DNAH14: variants seen among roughly 807,000 people sequenced by gnomAD.
The protein encoded by DNAH14 is dynein axonemal heavy chain 14.
DNAH14 carries 478 observed loss-of-function variants against 520.9 expected under a neutral mutation model. The ratio of observed to expected loss-of-function variants is 0.92; its 90% CI spans 0.85 to 0.99. The LOEUF (loss-of-function observed/expected upper bound fraction) is 0.99, where lower values mean the gene tolerates loss of function less well. Among genes scored for constraint, DNAH14 ranks in the 50% least tolerant of loss-of-function variants. The pLI, the probability that DNAH14 is intolerant of heterozygous loss-of-function variation, is 0.00. For synonymous variants in DNAH14, 1,581 were observed against 1,757.2 expected (o/e 0.90, Z 2.51); for missense variants, 4,831 against 5,234.5 (o/e 0.92, Z 2.38).
chr1:225,162,621 T>G (rs943748765), intron 35 of DNAH14, among the ~76,000 whole-genome samples: 2 of 152,222 alleles, frequency 1.3e-5, no homozygotes, highest in African/African-American at 4.8e-5. Context: ...TAGATTGTTT[T>G]GGGTAATATG....
At chr1:224,960,386 C>G in intron 4 of DNAH14, 84 bp downstream of exon 4, 6 of 1,335,292 alleles carry the variant, frequency 4.5e-6, no homozygotes, top group Non-Finnish European at 5.9e-6. Context: ...ATATTGGACA[C>G]TGACTTTAGA....
chr1:225,256,006 A>T (rs2092719632), intron 44 of DNAH14, among the ~76,000 whole-genome samples: 1 of 152,336 alleles, frequency 6.6e-6, no homozygotes, highest in Admixed American at 6.5e-5. Flanking sequence ...TCCAATTTTT[A>T]ACTCAATGCT....
intron 35 of DNAH14, among the ~76,000 whole-genome samples, chr1:225,160,764 C>G (rs1194952326): frequency 6.6e-6 from 1 of 152,038 alleles, no homozygotes; most frequent in Non-Finnish European, 1.5e-5. Flanking sequence ...GTGTCTTCTT[C>G]CTTGATTGCA....
intron 83 of DNAH14, 45 bp downstream of exon 83, chr1:225,389,918 G>C (rs1442562247): frequency 6.5e-7 from 1 of 1,533,210 alleles, no homozygotes; most frequent in South Asian, 1.2e-5. Context: ...GCCCAGGCAA[G>C]TTTGCACTCA....
chr1:225,307,598 G>GCA, intron 59 of DNAH14, 29 bp downstream of exon 59: 1 of 1,490,400 alleles, frequency 6.7e-7, no homozygotes, highest in Non-Finnish European at 9.0e-7. Flanking sequence ...CTCTTTTAAA[G>GCA]ATTTTATAGT....
Position 225,100,777 on chromosome 1 carries a change from A to G in DNAH14, c.3760A>G (p.Lys1254Glu). ...TTCCATGTGGAAAAAAATAATGTCA[A>G]AAATACAAAACAAACAGAATGCTTT... ...VISMWKKIMS[K>E]IQNKQNALQI... The change falls in exon 23 of 86, where the codon AAA becomes GAA. Residue 1254 changes from lysine to glutamate, a missense_variant. Transcript: ENST00000682510. The G allele has an allele frequency of 1.9e-6, 3 of 1,540,066 alleles. No individual in the cohort carries two copies. The highest frequency in any genetic ancestry group is 2.6e-6 in the Non-Finnish European group (3 of 1,143,810).
chr1:225,362,853 G>A (rs2095508490), intron 75 of DNAH14, among the ~76,000 whole-genome samples: 1 of 151,968 alleles, frequency 6.6e-6, no homozygotes, highest in Admixed American at 6.5e-5. Flanking sequence ...ATATTGCTAG[G>A]AGAAAAAATA....
chr1:225,078,802 CTCTCTCTCTCTCTCTCTCTCT>C (rs757402086), intron 17 of DNAH14, among the ~76,000 whole-genome samples: 2,457 of 48,508 alleles, frequency 0.051, 158 homozygotes, highest in Non-Finnish European at 0.089. Context: ...CTCTCTCTCT[CTCTCTCTCTCTCTCTCTCTCT>C]CCCTCTCTCT....
Position 225,331,861 on chromosome 1 carries a change from G to A in DNAH14, c.9864+284G>A, listed in dbSNP as rs79039430. On this transcript the variant is annotated intron_variant, in intron 65 of 85. Transcript: ENST00000682510. ...CCAAAGTAAACCTTTCAATGAAAAT[G>A]TCATTAGTTTTCCTTTTCTAGCACT... Among the ~76,000 whole-genome samples, 10 of 152,124 alleles carry A rather than the reference G, an allele frequency of 6.6e-5. No individual in the cohort carries two copies. In the East Asian group the frequency reaches 1.9e-3, roughly 29 times the overall value.
At chr1:224,952,860 C>T (rs923448173) in intron 2 of DNAH14, 81 bp downstream of exon 2, 7 of 927,898 alleles carry the variant, frequency 7.5e-6, no homozygotes, top group Admixed American at 3.3e-5. Flanking sequence ...GCCATTCTGA[C>T]AGTGAAAGAC....
At chr1:224,954,467 A>G (rs906464683) in intron 2 of DNAH14, 1 of 152,372 alleles carries the variant, frequency 6.6e-6, no homozygotes, top group Non-Finnish European at 1.5e-5. Context: ...CTTATGAAAA[A>G]GTTTTTCCAG....
intron 36 of DNAH14, among the ~76,000 whole-genome samples, chr1:225,175,799 AGTCTCACAGGACCTGAT>A (rs1363391586): frequency 6.7e-6 from 1 of 150,308 alleles, no homozygotes; most frequent in Non-Finnish European, 1.5e-5. Flanking sequence ...TTAGTTAGTA[AGTCTCACAGGACCTGAT>A]GGTTTTTATT....
At chr1:225,128,693 A>G (rs1324675171) in intron 27 of DNAH14, among the ~76,000 whole-genome samples, 1 of 152,090 alleles carries the variant, frequency 6.6e-6, no homozygotes, top group African/African-American at 2.4e-5. Context: ...ATCTATGACA[A>G]ACCCACAGCC....
At position 225,264,206 on chromosome 1, in the gene DNAH14, AC is replaced by A; in HGVS notation, c.7168del (p.Gln2390ArgfsTer6). 6.5e-7 allele frequency: 1 copy of A among 1,549,894 alleles called. No homozygotes were observed. The highest frequency in any genetic ancestry group is 8.7e-7 in the Non-Finnish European group (1 of 1,145,752). ...SEIKKSSSLK[Q>X]NITILIPETH... ...AAATATTTCATTCCAGTAGCCTAAA[AC>A]AGAATATCACCATCTTGATTCCTGA... On this transcript the variant is annotated frameshift_variant, in exon 47 of 86. Transcript: ENST00000682510. LOFTEE classifies it high-confidence loss of function.
intron 3 of DNAH14, among the ~76,000 whole-genome samples, chr1:224,957,083 T>C (rs2060566484): frequency 6.6e-6 from 1 of 152,068 alleles, no homozygotes; most frequent in African/African-American, 2.4e-5. Context: ...TCTGGCTGTA[T>C]ATTGAAGAAC....
chr1:224,996,189 TGA>T (rs2063379099), intron 8 of DNAH14, among the ~76,000 whole-genome samples: 3 of 152,028 alleles, frequency 2.0e-5, no homozygotes, highest in Admixed American at 1.3e-4. Context: ...TTTTCTTTTT[TGA>T]GACAGAGTCT....
At chr1:225,357,621 A>G in intron 73 of DNAH14, 1 of 496,228 alleles carries the variant, frequency 2.0e-6, no homozygotes, top group Non-Finnish European at 3.5e-6. Context: ...AGAAAATTTT[A>G]AGAATAATTT....
At chr1:225,379,581 G>A (rs1457458302) in intron 79 of DNAH14, among the ~76,000 whole-genome samples, 8 of 151,712 alleles carry the variant, frequency 5.3e-5, no homozygotes, top group Non-Finnish European at 1.2e-4. Context: ...AGGCTGGAGT[G>A]CAGTGGCATA....
intron 8 of DNAH14, among the ~76,000 whole-genome samples, chr1:225,001,398 C>G (rs2063760722): frequency 6.6e-6 from 1 of 152,108 alleles, no homozygotes; most frequent in East Asian, 1.9e-4. Flanking sequence ...TTCCCTAATA[C>G]CCAGCAGTTC....
Sources: gnomAD v4.1 joint callset for allele counts (sites outside exome capture counted in the v4.1 genomes callset) on GRCh38, gnomAD v4.1.1 for gene constraint, MANE v1.5 for transcripts, NCBI Gene and HGNC (gene_info 2026-07-23, HGNC 2026-07-21) for gene names.